The following ATP9B variants were observed in gnomAD, a reference collection of about 807,000 sequenced individuals.
The protein encoded by ATP9B is ATPase phospholipid transporting 9B.
In ATP9B, 110 loss-of-function variants were observed where a neutral mutation model predicts 146.1. That is an observed-to-expected ratio of 0.75 (90% CI 0.65 to 0.88). The LOEUF (loss-of-function observed/expected upper bound fraction) is 0.88. Among genes scored for constraint, ATP9B ranks in the 40% least tolerant of loss-of-function variants. The probability of loss-of-function intolerance (pLI) is 0.00; values close to 1 mark genes in which losing one functional copy is unlikely to be tolerated. For synonymous variants in ATP9B, 604 were observed against 569.7 expected, an observed-to-expected ratio of 1.06 and a Z score of -0.86; for missense variants, 1,499 against 1,496.4, an observed-to-expected ratio of 1.00 and a Z score of -0.03.
intron 8 of ATP9B, among the ~76,000 whole-genome samples, chr18:79,189,866 C>T (rs1487992788): frequency 1.3e-5 from 2 of 152,148 alleles, no homozygotes; most frequent in Non-Finnish European, 2.9e-5. Context: ...TTATTGGTCC[C>T]GTGGTATTAT....
intron 13 of ATP9B, among the ~76,000 whole-genome samples, chr18:79,286,526 G>A (rs376033379): frequency 0.023 from 3,496 of 151,894 alleles, 100 homozygotes; most frequent in African/African-American, 0.073. Context: ...GGGCTGAGAC[G>A]ATGGGGTTTT....
At chr18:79,285,996 T>A (rs1297976007) in intron 13 of ATP9B, among the ~76,000 whole-genome samples, 1 of 151,170 alleles carries the variant, frequency 6.6e-6, no homozygotes, top group Non-Finnish European at 1.5e-5. Flanking sequence ...TTGGTACCAG[T>A]ACCATGCTGT....
rs752788043 is a variant in ATP9B at position 79,118,390 on chromosome 18, G to GTTTTTTT, written c.558+5058_558+5064dup. On this transcript the variant is annotated intron_variant, in intron 4 of 29. Transcript: ENST00000426216. The stretch of plus-strand genomic sequence containing the variant: ...AAACACAATCATATTGAACGTTTTT[G>GTTTTTTT]TTTTTTTTTTTTTTTTTTTTTTTTT... Among the ~76,000 whole-genome samples the GTTTTTTT allele has an allele frequency of 7.8e-4, 73 of 93,270 alleles. 1 individual carries two copies. The highest frequency in any genetic ancestry group is 1.2e-3 in the Non-Finnish European group (56 of 46,058). 61.2% of individuals were successfully genotyped at this position (93,270 alleles called of 152,430 possible).
intron 2 of ATP9B, among the ~76,000 whole-genome samples, chr18:79,103,361 C>T (rs985007051): frequency 2.0e-5 from 3 of 150,804 alleles, no homozygotes; most frequent in Non-Finnish European, 4.4e-5. Context: ...TTTTGTCAGA[C>T]CCAGAAACAG....
At chr18:79,108,302 T>G (rs191330827) in intron 2 of ATP9B, among the ~76,000 whole-genome samples, 19 of 152,338 alleles carry the variant, frequency 1.2e-4, no homozygotes, top group Admixed American at 1.2e-3. Flanking sequence ...TGAAGCCTTA[T>G]TTAATTTTTC....
intron 4 of ATP9B, among the ~76,000 whole-genome samples, chr18:79,113,818 C>G (rs868783450): frequency 2.6e-5 from 4 of 152,270 alleles, no homozygotes; most frequent in Middle Eastern, 3.4e-3. Context: ...GCCAGTGATG[C>G]AATGATGCTT....
chr18:79,248,944 G>A (rs1387236621), intron 11 of ATP9B, among the ~76,000 whole-genome samples: 1 of 152,116 alleles, frequency 6.6e-6, no homozygotes, highest in Admixed American at 6.6e-5. Flanking sequence ...AGCATTCGAC[G>A]TCTGCTCCAA....
chr18:79,294,731 G>A (rs1163678541), intron 13 of ATP9B, among the ~76,000 whole-genome samples: 1 of 152,164 alleles, frequency 6.6e-6, no homozygotes, highest in African/African-American at 2.4e-5. Context: ...TAATATTTCG[G>A]TTCTGTTTAA....
intron 1 of ATP9B, among the ~76,000 whole-genome samples, chr18:79,083,964 C>G (rs1252934945): frequency 6.6e-6 from 1 of 151,160 alleles, no homozygotes; most frequent in Non-Finnish European, 1.5e-5. Flanking sequence ...CTTCAAGCGA[C>G]TCCCCTACCT....
At chr18:79,256,288 C>T (rs868341907) in intron 12 of ATP9B, among the ~76,000 whole-genome samples, 2,037 of 73,402 alleles carry the variant, frequency 0.028, 39 homozygotes, top group Non-Finnish European at 0.031. Flanking sequence ...TATATATATA[C>T]ATACATAGTG....
intron 10 of ATP9B, among the ~76,000 whole-genome samples, 199 bp downstream of exon 10, chr18:79,207,211 G>A (rs767528491): frequency 1.4e-4 from 22 of 152,198 alleles, no homozygotes; most frequent in Non-Finnish European, 2.2e-4. Flanking sequence ...GACACTGCAC[G>A]TGGTTCGCAA....
intron 7 of ATP9B, among the ~76,000 whole-genome samples, chr18:79,175,791 T>G (rs2147934035): frequency 6.6e-6 from 1 of 152,242 alleles, no homozygotes; most frequent in East Asian, 1.9e-4. Context: ...GATACGCTTG[T>G]GCACACACAG....
At chr18:79,113,088 A>G (rs750093945) in intron 3 of ATP9B, among the ~76,000 whole-genome samples, 153 bp from the exon 4 acceptor site, 20 of 152,224 alleles carry the variant, frequency 1.3e-4, no homozygotes, top group Non-Finnish European at 2.1e-4. Flanking sequence ...TAGAAAGCCA[A>G]TGTGAAAATT....
At chr18:79,355,642 C>A (rs980942859) in intron 25 of ATP9B, among the ~76,000 whole-genome samples, 1 of 149,316 alleles carries the variant, frequency 6.7e-6, no homozygotes, top group African/African-American at 2.5e-5. Flanking sequence ...CCGTGGGAGC[C>A]CCGGCCGCTG....
At chr18:79,277,674 A>T (rs1435663352) in intron 13 of ATP9B, among the ~76,000 whole-genome samples, 2 of 152,188 alleles carry the variant, frequency 1.3e-5, no homozygotes, top group Non-Finnish European at 2.9e-5. Flanking sequence ...TCTAGGACCA[A>T]AATTCTGTTT....
chr18:79,344,419 TGA>T, intron 21 of ATP9B, 65 bp downstream of exon 21: 2 of 1,455,484 alleles, frequency 1.4e-6, no homozygotes, highest in Non-Finnish European at 1.9e-6. Context: ...GGTCCCTGGC[TGA>T]GTGTCTGTTT....
At chr18:79,234,137 A>C (rs554017723) in intron 11 of ATP9B, among the ~76,000 whole-genome samples, 10 of 152,282 alleles carry the variant, frequency 6.6e-5, no homozygotes, top group Middle Eastern at 3.4e-3. Context: ...TTACAGGAAG[A>C]GTGGGAGGGA....
At chr18:79,234,946 C>T (rs2095827401) in intron 11 of ATP9B, among the ~76,000 whole-genome samples, 1 of 152,176 alleles carries the variant, frequency 6.6e-6, no homozygotes, top group Admixed American at 6.5e-5. Context: ...AGTCTAGGCT[C>T]ACCGCAACCT....
Position 79,372,618 on chromosome 18 carries a change from T to C in ATP9B, c.3013-207T>C, listed in dbSNP as rs113610581. The C allele has an allele frequency of 2.4e-3, 1,583 of 668,098 alleles. 12 individuals are homozygous for C. In the African/African-American group the frequency reaches 0.024, roughly 10 times the overall value. The allele number at this position is 668,098 out of a possible 1,614,324, so 41.4% of individuals were successfully genotyped here. Reference sequence around the variant, plus strand: ...ATGAACGTCTAACCTCAGGCACCAGTGGACACGTGTGGGACCCAGGCAGCT... The same window carrying C: ...ATGAACGTCTAACCTCAGGCACCAGCGGACACGTGTGGGACCCAGGCAGCT... On this transcript the variant is annotated intron_variant, in intron 26 of 29. Coordinates refer to ENST00000426216, the MANE Select transcript of ATP9B (RefSeq NM_198531.5).
Sources: gnomAD v4.1 joint callset for allele counts (sites outside exome capture counted in the v4.1 genomes callset) on GRCh38, gnomAD v4.1.1 for gene constraint, MANE v1.5 for transcripts, NCBI Gene and HGNC (gene_info 2026-07-23, HGNC 2026-07-21) for gene names.